Variants in NR2F2 observed in about 807,000 individuals in gnomAD.
NR2F2 encodes COUP transcription factor 2.
NR2F2 carries 2 observed loss-of-function variants against 34.8 expected under a neutral mutation model. The observed-to-expected ratio is 0.06, with a 90% confidence interval of 0.02 to 0.18. NR2F2 has a LOEUF of 0.18. Among genes scored for constraint, NR2F2 ranks in the 10% least tolerant of loss-of-function variants. The pLI is 1.00. For missense variants in NR2F2, 300 were observed against 580.1 expected (o/e 0.52, Z 4.96); for synonymous variants, 274 against 251.8 (o/e 1.09, Z -0.84).
chr15:96,326,289 T>TC (rs1426069029), upstream of NR2F2: 1 of 1,608,924 alleles, frequency 6.2e-7, no homozygotes, highest in East Asian at 2.2e-5. The surrounding 1 kb of genome is among the most constrained non-coding windows in gnomAD (Gnocchi z 5.5). Context: ...TAAAGGAGAG[T>TC]TATTCCAGTT....
In NR2F2 at chr15:96,331,848, C is replaced by T. The variant is rs544777514; in HGVS notation, c.-258C>T. 5.0e-6 allele frequency: 6 copies of T among 1,203,210 alleles called. No homozygotes were observed. The East Asian group carries it at 1.7e-4, about 34-fold the overall frequency. The allele number at this position is 1,203,210 out of a possible 1,614,324, so 74.5% of individuals were successfully genotyped here. ...CCCCCCGAAACCAACAAAGCTGAGC[C>T]GAGAGAAACAAACAAAACAAACACA... On this transcript the variant is annotated 5_prime_UTR_variant, in exon 1 of 3. Transcript: ENST00000394166.
chr15:96,327,034 G>C (rs1899011456), upstream of NR2F2: 1 of 152,398 alleles, frequency 6.6e-6, no homozygotes, highest in Non-Finnish European at 1.5e-5. Flanking sequence ...AACCGCGCCG[G>C]GCTGACTTAA....
At chr15:96,326,652 A>C (rs989580210), upstream of NR2F2, among the ~76,000 whole-genome samples, 1 of 152,060 alleles carries the variant, frequency 6.6e-6, no homozygotes, top group Admixed American at 6.6e-5. The surrounding 1 kb of genome is among the most constrained non-coding windows in gnomAD (Gnocchi z 5.5). Flanking sequence ...GGAGCCTCCT[A>C]TCTCCTCGTC....
rs757077299 is a variant in NR2F2, at chr15:96,337,583, C to T, written c.1206C>T (p.Ser402=). 28 of 1,613,788 alleles carry T rather than the reference C, an allele frequency of 1.7e-5. No individual in the cohort carries two copies. Among genetic ancestry groups the T allele is most frequent in the South Asian group, 1.6e-4 (15 of 91,084 alleles). The change falls in exon 3 of 3, where the codon TCC becomes TCT. Residue 402 remains serine (S), a synonymous_variant. Transcript: ENST00000394166. ...CCCTCATCCGGGATATGTTACTGTC[C>T]GGCAGCAGTTTTAACTGGCCGTATA... is the stretch of plus-strand genomic sequence containing the variant. ...IETLIRDMLL[S]GSSFNWPYMA...
At position 96,338,739 on chromosome 15, in the gene NR2F2, T is replaced by C. The variant is rs1381595722; in HGVS notation, c.*1117T>C. 1 of 152,550 alleles carries C rather than the reference T, an allele frequency of 6.6e-6. No individual in the cohort carries two copies. Among genetic ancestry groups the C allele is most frequent in the African/African-American group, 2.4e-5 (1 of 41,398 alleles). The allele number at this position is 152,550 out of a possible 1,614,324, so 9.4% of individuals were successfully genotyped here. ...TAAAAGTTATAATAACTGAACTGTT[T>C]GGTCGAGTCTTTGTGTGTTATATTC... On this transcript the variant is annotated 3_prime_UTR_variant, in exon 3 of 3. Transcript: ENST00000394166.
In NR2F2 at chr15:96,331,750, T is replaced by A; in HGVS notation, c.-356T>A. On this transcript the variant is annotated 5_prime_UTR_variant, in exon 1 of 3. Coordinates refer to ENST00000394166, the MANE Select transcript of NR2F2 (RefSeq NM_021005.4). ...CCAGACAATCGACTTCAGCTCTCCC[T>A]CCCCTCCCTCTTTCTCCACGTTCTG... 1 of 1,063,644 alleles carries A rather than the reference T, an allele frequency of 9.4e-7. No homozygotes were observed. Among genetic ancestry groups the A allele is most frequent in the Non-Finnish European group, 1.2e-6 (1 of 846,018 alleles). The allele number at this position is 1,063,644 out of a possible 1,614,324, so 65.9% of individuals were successfully genotyped here.
In NR2F2 at chr15:96,331,751, C is replaced by T; in HGVS notation, c.-355C>T. 9.3e-7 allele frequency: 1 copy of T among 1,079,692 alleles called. No individual in the cohort carries two copies. Among genetic ancestry groups the T allele is most frequent in the Non-Finnish European group, 1.2e-6 (1 of 856,688 alleles). 66.9% of individuals were successfully genotyped at this position (1,079,692 alleles called of 1,614,324 possible). A position where few individuals can be genotyped will look rare whatever the true frequency, so the allele number is the denominator to read the frequency against. On this transcript the variant is annotated 5_prime_UTR_variant, in exon 1 of 3. Coordinates refer to ENST00000394166, the MANE Select transcript of NR2F2 (RefSeq NM_021005.4). ...CAGACAATCGACTTCAGCTCTCCCT[C>T]CCCTCCCTCTTTCTCCACGTTCTGC... is the stretch of plus-strand genomic sequence containing the variant.
At position 96,331,776 on chromosome 15, in the gene NR2F2, C is replaced by T; in HGVS notation, c.-330C>T. ...CCCCTCCCTCTTTCTCCACGTTCTG[C>T]TCCCACTCGCTCTCCTGTCCCCTTC... is the stretch of plus-strand genomic sequence containing the variant. On this transcript the variant is annotated 5_prime_UTR_variant, in exon 1 of 3. Transcript: ENST00000394166. 3 of 1,179,440 alleles carry T rather than the reference C, an allele frequency of 2.5e-6. No individual in the cohort carries two copies. The highest frequency in any genetic ancestry group is 3.2e-6 in the Non-Finnish European group (3 of 948,008). The allele number at this position is 1,179,440 out of a possible 1,614,324, so 73.1% of individuals were successfully genotyped here.
At chr15:96,334,940 G>A (rs1899279092) in intron 2 of NR2F2, among the ~76,000 whole-genome samples, 1 of 152,228 alleles carries the variant, frequency 6.6e-6, no homozygotes, top group Admixed American at 6.5e-5. Flanking sequence ...GGCCTGCTGG[G>A]CCCCAGGGAA....
chr15:96,337,293 C>T (rs1287755214), intron 2 of NR2F2, 55 bp from the exon 3 acceptor site: 3 of 1,576,942 alleles, frequency 1.9e-6, no homozygotes, highest in African/African-American at 1.4e-5. Flanking sequence ...TCTTCTTCTT[C>T]TTCTTCTTCT....
In NR2F2 at chr15:96,337,432, A is replaced by G; in HGVS notation, c.1055A>G (p.Gln352Arg). Residue 352 changes from glutamine to arginine, a missense_variant, in exon 3 of 3, where the codon CAG (glutamine) becomes CGG (arginine). Coordinates refer to ENST00000394166, the MANE Select transcript of NR2F2 (RefSeq NM_021005.4). ...GCTTTGGAAGAATACGTTAGGAGCCAGTACCCCAACCAGCCGACGAGATTC... is the reference window on the plus strand; with the variant it reads ...GCTTTGGAAGAATACGTTAGGAGCCGGTACCCCAACCAGCCGACGAGATTC... Reference protein sequence around the residue: ...QCALEEYVRSQYPNQPTRFGK... With the variant: ...QCALEEYVRSRYPNQPTRFGK... 3 of 1,614,186 alleles carry G rather than the reference A, an allele frequency of 1.9e-6. No individual in the cohort carries two copies. The highest frequency in any genetic ancestry group is 2.5e-6 in the Non-Finnish European group (3 of 1,180,046).
Position 96,334,298 on chromosome 15 carries a change from G to C in NR2F2, c.665G>C (p.Ser222Thr). 6.2e-7 allele frequency: 1 copy of C among 1,614,246 alleles called. No homozygotes were observed. The change falls in exon 2 of 3, where the codon AGC (serine) becomes ACC (threonine). Residue 222 changes from serine (S) to threonine (T), a missense_variant. By Grantham distance (58) the Ser-to-Thr change is moderately conservative (BLOSUM62 1). Around this residue, in one of 6 missense-constraint regions of NR2F2, gnomAD observed 164 missense variants for 365.3 expected, o/e 0.45. Coordinates refer to ENST00000394166, the MANE Select transcript of NR2F2 (RefSeq NM_021005.4). ...ICELAARMLF[S>T]AVEWARNIPF... ...GAACTGGCCGCGAGGATGCTCTTCA[G>C]CGCCGTCGAGTGGGCCCGGAACATC...
At position 96,331,645 on chromosome 15, in the gene NR2F2, C is replaced by T; in HGVS notation, c.-461C>T. On this transcript the variant is annotated 5_prime_UTR_variant, in exon 1 of 3. The change creates a new upstream start codon in the 5' untranslated region. Transcript: ENST00000394166. ...CACCAGCTCTAAGAGCGAGAGTGAA[C>T]GAGAGAGGGAGGGAGAGAGTGAGAG... is the stretch of plus-strand genomic sequence containing the variant. 2 of 1,160,816 alleles carry T rather than the reference C, an allele frequency of 1.7e-6. No individual in the cohort carries two copies. Among genetic ancestry groups the T allele is most frequent in the Non-Finnish European group, 2.2e-6 (2 of 926,364 alleles). The allele number at this position is 1,160,816 out of a possible 1,614,324, so 71.9% of individuals were successfully genotyped here. A position where few individuals can be genotyped will look rare whatever the true frequency, so the allele number is the denominator to read the frequency against.
In NR2F2 at chr15:96,337,634, A is replaced by C. The variant is rs760157349; in HGVS notation, c.*12A>C. 2.5e-6 allele frequency: 4 copies of C among 1,608,392 alleles called. No individual in the cohort carries two copies. The highest frequency in any genetic ancestry group is 2.2e-5 in the South Asian group (2 of 90,536). On this transcript the variant is annotated 3_prime_UTR_variant, in exon 3 of 3. Coordinates refer to ENST00000394166, the MANE Select transcript of NR2F2 (RefSeq NM_021005.4). ...TGGCAATTCAATAAATAAATAAAAT[A>C]AGAAGGGGGAGTGAAACAGAGAAAG...
Position 96,336,765 on chromosome 15 carries a change from A to G in NR2F2, c.971-583A>G, listed in dbSNP as rs1337551256. On this transcript the variant is annotated intron_variant, in intron 2 of 2. Transcript: ENST00000394166. ...TCACGGTTTGCATGGCTGCCCTTCA[A>G]TAGGCTAAACTGACAAGATCAGTTT... is the stretch of plus-strand genomic sequence containing the variant. 1.3e-5 allele frequency among the ~76,000 whole-genome samples: 2 copies of G among 152,182 alleles called. 1 individual carries two copies. Among genetic ancestry groups the G allele is most frequent in the Non-Finnish European group, 2.9e-5 (2 of 68,034 alleles).
upstream of NR2F2, chr15:96,326,398 CT>C (rs746866350): frequency 3.3e-6 from 5 of 1,524,116 alleles, no homozygotes; most frequent in African/African-American, 6.9e-5. The surrounding 1 kb of genome is among the most constrained non-coding windows in gnomAD (Gnocchi z 5.5). Flanking sequence ...TCCTTTCTCA[CT>C]TTTCTGCTTG....
upstream of NR2F2, among the ~76,000 whole-genome samples, chr15:96,330,147 G>C (rs1338915676): frequency 6.6e-6 from 1 of 152,148 alleles, no homozygotes; most frequent in African/African-American, 2.4e-5. Flanking sequence ...AGAAACCAGG[G>C]AACTTTTCTT....
Position 96,332,194 on chromosome 15 carries a change from C to G in NR2F2, c.89C>G (p.Pro30Arg). The G allele has an allele frequency of 7.5e-7, 1 of 1,335,000 alleles. No individual in the cohort carries two copies. Among genetic ancestry groups the G allele is most frequent in the Non-Finnish European group, 9.6e-7 (1 of 1,044,914 alleles). The allele number at this position is 1,335,000 out of a possible 1,614,324, so 82.7% of individuals were successfully genotyped here. A position where few individuals can be genotyped will look rare whatever the true frequency, so the allele number is the denominator to read the frequency against. Residue 30 changes from proline (P) to arginine (R), a missense_variant, in exon 1 of 3, where the codon CCC (proline) becomes CGC (arginine). By Grantham distance (103) the Pro-to-Arg change is moderately radical. This residue lies in a region of NR2F2 where 105 missense variants were observed against 107.8 expected (regional missense o/e 0.97). Coordinates refer to ENST00000394166, the MANE Select transcript of NR2F2 (RefSeq NM_021005.4). Reference sequence around the variant, plus strand: ...CAGGCCTCGCAGGCGCCGCCCGTGCCCGGCCCGCCGCCCGGCGCCCCGCAC... The same window carrying G: ...CAGGCCTCGCAGGCGCCGCCCGTGCGCGGCCCGCCGCCCGGCGCCCCGCAC... ...GSQASQAPPVPGPPPGAPHTP... is the reference protein window; with the variant it reads ...GSQASQAPPVRGPPPGAPHTP...
intron 2 of NR2F2, 65 bp downstream of exon 2, chr15:96,334,668 T>G: frequency 1.3e-6 from 2 of 1,511,966 alleles, no homozygotes; most frequent in Non-Finnish European, 1.8e-6. Flanking sequence ...CCCAGAGAAC[T>G]TGGGAGTCCC....
Sources: gnomAD v4.1 joint callset for allele counts (sites outside exome capture counted in the v4.1 genomes callset) on GRCh38, gnomAD v4.1.1 for gene constraint, gnomAD v4.1.1 regional missense constraint, Gnocchi (gnomAD v3.1) non-coding constraint, MANE v1.5 for transcripts, NCBI Gene and HGNC (gene_info 2026-07-23, HGNC 2026-07-21) for gene names.